The following COL24A1 variants were observed in gnomAD, a reference collection of about 807,000 sequenced individuals.
COL24A1 encodes the protein collagen alpha-1(XXIV) chain.
Under a neutral mutation model 253.9 loss-of-function variants are expected in COL24A1, and 224 were observed. The observed-to-expected ratio is 0.88, with a 90% confidence interval of 0.79 to 0.99. The LOEUF is 0.99. COL24A1 is among the 50% of genes least tolerant of loss of function. The probability of loss-of-function intolerance (pLI) is 0.00; values close to 1 mark genes in which losing one functional copy is unlikely to be tolerated. For missense variants in COL24A1, 2,131 were observed against 2,068.5 expected (o/e 1.03, Z -0.59); for synonymous variants, 685 against 673.7 (o/e 1.02, Z -0.26).
intron 26 of COL24A1, among the ~76,000 whole-genome samples, chr1:85,909,370 A>T (rs1182541418): frequency 6.6e-6 from 1 of 151,844 alleles, no homozygotes; most frequent in Non-Finnish European, 1.5e-5. Context: ...CCTTTTATTG[A>T]TAATAATTAT....
chr1:85,760,859 G>A (rs1029707647), intron 55 of COL24A1, among the ~76,000 whole-genome samples: 9 of 152,096 alleles, frequency 5.9e-5, no homozygotes, highest in African/African-American at 1.7e-4. Context: ...GAATATCAGA[G>A]GGCATGAGAA....
chr1:85,766,520 A>G (rs1667399358), intron 53 of COL24A1, among the ~76,000 whole-genome samples: 1 of 152,120 alleles, frequency 6.6e-6, no homozygotes, highest in South Asian at 2.1e-4. Context: ...ATAAATGGCC[A>G]TACAGAATCA....
chr1:86,050,501 A>C (rs1432558197), intron 10 of COL24A1, among the ~76,000 whole-genome samples: 1 of 152,154 alleles, frequency 6.6e-6, no homozygotes, highest in Non-Finnish European at 1.5e-5. Context: ...TATCAAAAGA[A>C]TATAAGAATA....
intron 22 of COL24A1, among the ~76,000 whole-genome samples, chr1:85,965,468 A>G (rs1409570074): frequency 6.6e-6 from 1 of 152,130 alleles, no homozygotes; most frequent in African/African-American, 2.4e-5. Context: ...CCAGGAAAGA[A>G]GCCCTCACCG....
chr1:85,871,241 G>A (rs934748361), intron 35 of COL24A1, among the ~76,000 whole-genome samples: 52 of 152,212 alleles, frequency 3.4e-4, no homozygotes, highest in African/African-American at 1.2e-3. Flanking sequence ...GGACCAGATG[G>A]ATTCACAGCC....
chr1:86,115,414 G>A (rs1361174840), intron 3 of COL24A1, 36 bp from the exon 4 acceptor site: 1 of 1,582,230 alleles, frequency 6.3e-7, no homozygotes, highest in African/African-American at 1.3e-5. Context: ...AGGCATGATA[G>A]TGGACACATT....
chr1:85,865,023 T>C (rs894374497), intron 37 of COL24A1, among the ~76,000 whole-genome samples: 7 of 152,126 alleles, frequency 4.6e-5, no homozygotes, highest in Non-Finnish European at 8.8e-5. Context: ...GCATAAAATA[T>C]ACAATTTTTT....
chr1:85,999,177 A>G (rs1388193575), intron 19 of COL24A1, among the ~76,000 whole-genome samples: 1 of 152,220 alleles, frequency 6.6e-6, no homozygotes, highest in African/African-American at 2.4e-5. Context: ...ATGGTCAACC[A>G]GGCAATAAAT....
chr1:86,007,676 T>C (rs1696100316), intron 19 of COL24A1, among the ~76,000 whole-genome samples: 1 of 152,150 alleles, frequency 6.6e-6, no homozygotes, highest in African/African-American at 2.4e-5. Flanking sequence ...GGAACCTTAA[T>C]TGCATATTAA....
At chr1:85,977,318 T>C (rs1692785522) in intron 20 of COL24A1, among the ~76,000 whole-genome samples, 1 of 152,106 alleles carries the variant, frequency 6.6e-6, no homozygotes, top group African/African-American at 2.4e-5. Flanking sequence ...TAAGGTTCTA[T>C]TACACCCCAA....
rs1450312334 is a variant in COL24A1, at chr1:85,970,253, C to T, written c.2437G>A (p.Gly813Arg). The T allele has an allele frequency of 6.3e-7, 1 of 1,593,532 alleles. No individual in the cohort carries two copies. Among genetic ancestry groups the T allele is most frequent in the East Asian group, 2.3e-5 (1 of 44,186 alleles). The change falls in exon 22 of 60, where the codon GGA becomes AGA. Residue 813 changes from glycine (G) to arginine (R), a missense_variant. Transcript: ENST00000370571. ...CTTGGCCCCAGTTCCCCAAAGGCTC[C>T]AATTGGTCCTTCTTCTCCCTTAAAA... ...KGTQGEEGPI[G>R]AFGELGPRGK...
At chr1:85,950,300 G>C (rs2100571567) in intron 24 of COL24A1, among the ~76,000 whole-genome samples, 1 of 152,282 alleles carries the variant, frequency 6.6e-6, no homozygotes, top group South Asian at 2.1e-4. Flanking sequence ...CAAAAAGCCA[G>C]TGGATTAAGG....
rs1356243450 is a variant in COL24A1, at chr1:85,830,177, C to T, written c.3682-6439G>A. Among the ~76,000 whole-genome samples, 16 of 151,934 alleles carry T rather than the reference C, an allele frequency of 1.1e-4. No homozygotes were observed. In the South Asian group the frequency reaches 1.3e-3, roughly 12 times the overall value. ...TCAGCTGCAGGTCTGTTGGAGTACC[C>T]GGCCGTGTGAGGTGTCAGTCTGCCC... On this transcript the variant is annotated intron_variant, in intron 43 of 59. Coordinates refer to ENST00000370571, the MANE Select transcript of COL24A1 (RefSeq NM_152890.7).
chr1:86,005,310 A>C lies in COL24A1; in HGVS notation c.2310+11841T>G, dbSNP rs557334948. ...CCATCTTGTCAAGAAGACATTGAAC[A>C]TTCACAAAAGGTGAACATATATTAG... On this transcript the variant is annotated intron_variant, in intron 19 of 59. Transcript: ENST00000370571. Among the ~76,000 whole-genome samples the C allele has an allele frequency of 2.0e-5, 3 of 152,306 alleles. No homozygotes were observed. The East Asian group carries it at 5.8e-4, about 29-fold the overall frequency.
At chr1:85,852,332 T>A in intron 37 of COL24A1, among the ~76,000 whole-genome samples, 1 of 152,228 alleles carries the variant, frequency 6.6e-6, no homozygotes, top group South Asian at 2.1e-4. Flanking sequence ...TGGCACTAAC[T>A]AACTTAATTA....
At chr1:86,118,285 A>G (rs1706346285) in intron 3 of COL24A1, among the ~76,000 whole-genome samples, 1 of 152,084 alleles carries the variant, frequency 6.6e-6, no homozygotes, top group Non-Finnish European at 1.5e-5. Context: ...GGCTGGTCTC[A>G]AACTCCTGAC....
intron 5 of COL24A1, among the ~76,000 whole-genome samples, chr1:86,110,847 C>T (rs538350890): frequency 2.7e-5 from 4 of 150,484 alleles, no homozygotes; most frequent in Admixed American, 6.6e-5. Flanking sequence ...TGGGCTGCCG[C>T]GCGGCCCAAG....
Position 86,126,029 on chromosome 1 carries a change from C to A in COL24A1, c.307G>T (p.Gly103Trp), listed in dbSNP as rs773992208. 2 of 1,613,540 alleles carry A rather than the reference C, an allele frequency of 1.2e-6. No individual in the cohort carries two copies. Among genetic ancestry groups the A allele is most frequent in the Non-Finnish European group, 1.7e-6 (2 of 1,179,776 alleles). The change falls in exon 3 of 60, where the codon GGG becomes TGG. Residue 103 changes from glycine (G) to tryptophan (W), a missense_variant. Gly to Trp is a radical substitution (Grantham distance 184). Coordinates refer to ENST00000370571, the MANE Select transcript of COL24A1 (RefSeq NM_152890.7). ...PFVKILPVNL[G>W]QPFTILTGLQ... ...CCAGTTAATATTGTAAACGGCTGCC[C>A]CAAGTTGACTGGTAAAATTTTCACG...
intron 3 of COL24A1, among the ~76,000 whole-genome samples, chr1:86,118,956 T>C (rs1706426099): frequency 6.6e-6 from 1 of 152,130 alleles, no homozygotes; most frequent in African/African-American, 2.4e-5. Flanking sequence ...GCAGGGGCCA[T>C]ATCACATACC....
Sources: allele counts gnomAD v4.1 joint callset (sites outside exome capture counted in the v4.1 genomes callset), GRCh38; gene constraint gnomAD v4.1.1; transcripts MANE v1.5; gene names NCBI Gene and HGNC (gene_info 2026-07-23, HGNC 2026-07-21).